Variants in TRIM2 observed in about 807,000 individuals in gnomAD.
TRIM2 encodes the protein tripartite motif-containing protein 2.
In TRIM2, 20 loss-of-function variants were observed where a neutral mutation model predicts 75.2. The ratio of observed to expected loss-of-function variants is 0.27; its 90% CI spans 0.19 to 0.39. TRIM2 has a LOEUF of 0.39. Ranked by LOEUF, TRIM2 falls within the 10% of genes least tolerant of loss-of-function variation. TRIM2 has a pLI of 1.00. For missense variants in TRIM2, 660 were observed against 990.8 expected (o/e 0.67, Z 4.48); for synonymous variants, 373 against 388.3 (o/e 0.96, Z 0.46).
In TRIM2 at chr4:153,323,027, G is replaced by C. The variant is rs1769355921; in HGVS notation, c.1951+211G>C. On this transcript the variant is annotated intron_variant, in intron 9 of 11. Coordinates refer to ENST00000338700, the MANE Select transcript of TRIM2 (RefSeq NM_015271.5). ...GGCAGTAAGTTGAGCTGCAGTCCTT[G>C]TGTGGTTTTTATCGGTGGCAGTTCA... Among the ~76,000 whole-genome samples, 6 of 152,308 alleles carry C rather than the reference G, an allele frequency of 3.9e-5. No homozygotes were observed. The South Asian group carries it at 1.2e-3, about 32-fold the overall frequency.
intron 10 of TRIM2, among the ~76,000 whole-genome samples, chr4:153,328,262 C>T (rs889616330): frequency 5.3e-5 from 8 of 152,064 alleles, no homozygotes; most frequent in African/African-American, 1.2e-4. Context: ...TATTTTATAA[C>T]AAAGGTATCA....
intron 1 of TRIM2, among the ~76,000 whole-genome samples, chr4:153,212,595 G>T (rs955081695): frequency 6.6e-6 from 1 of 152,168 alleles, no homozygotes; most frequent in Non-Finnish European, 1.5e-5. Flanking sequence ...AGAGTTCGAG[G>T]CAGTGAGCTG....
intron 1 of TRIM2, among the ~76,000 whole-genome samples, chr4:153,267,582 C>T (rs1441405860): frequency 2.0e-5 from 3 of 152,160 alleles, no homozygotes; most frequent in Admixed American, 6.5e-5. Flanking sequence ...ATCCGGGAGG[C>T]GGAGCTTGCA....
intron 1 of TRIM2, among the ~76,000 whole-genome samples, chr4:153,253,818 G>A (rs1234211930): frequency 3.3e-5 from 5 of 152,140 alleles, no homozygotes; most frequent in Non-Finnish European, 7.3e-5. Flanking sequence ...CTATATGTTC[G>A]AGAAAGGGGA....
Position 153,206,723 on chromosome 4 carries a change from G to A in TRIM2, c.30+2163G>A, listed in dbSNP as rs1735551447. 2.0e-5 allele frequency among the ~76,000 whole-genome samples: 3 copies of A among 152,228 alleles called. No homozygotes were observed. The South Asian group carries it at 6.2e-4, about 32-fold the overall frequency. On this transcript the variant is annotated intron_variant, in intron 1 of 11. Coordinates refer to ENST00000338700, the MANE Select transcript of TRIM2 (RefSeq NM_015271.5). ...CAGGGGGTGTGTATGGGTGGAGTAGGGAGAAAGGGGCTGAAAGTTCCAACT... is the reference window on the plus strand; with the variant it reads ...CAGGGGGTGTGTATGGGTGGAGTAGAGAGAAAGGGGCTGAAAGTTCCAACT...
chr4:153,162,720 G>A (rs1729860426), intron 1 of TRIM2, among the ~76,000 whole-genome samples: 1 of 152,224 alleles, frequency 6.6e-6, no homozygotes, highest in Admixed American at 6.5e-5. Context: ...GGCAGAGCAA[G>A]TGGACTTCAG....
intron 8 of TRIM2, among the ~76,000 whole-genome samples, chr4:153,320,948 A>G (rs533308283): frequency 1.3e-5 from 2 of 152,256 alleles, no homozygotes; most frequent in South Asian, 2.1e-4. Context: ...TCTTTCATAA[A>G]AACACATAGA....
At chr4:153,301,050 G>A (rs1763794225) in intron 6 of TRIM2, among the ~76,000 whole-genome samples, 2 of 151,856 alleles carry the variant, frequency 1.3e-5, no homozygotes, top group African/African-American at 2.4e-5. Context: ...AATTAGCCAG[G>A]TGTGGTGGCA....
intron 1 of TRIM2, among the ~76,000 whole-genome samples, chr4:153,187,678 G>A (rs1177230272): frequency 6.6e-6 from 1 of 152,222 alleles, no homozygotes; most frequent in Non-Finnish European, 1.5e-5. Flanking sequence ...GCCTCGCCCA[G>A]GTGGGCTGCA....
At chr4:153,221,273 T>C (rs749047764) in intron 1 of TRIM2, among the ~76,000 whole-genome samples, 1 of 152,172 alleles carries the variant, frequency 6.6e-6, no homozygotes, top group Non-Finnish European at 1.5e-5. Context: ...TGATTTCATT[T>C]ATATGAAATG....
At chr4:153,213,673 G>C (rs777250395) in intron 1 of TRIM2, among the ~76,000 whole-genome samples, 1 of 152,130 alleles carries the variant, frequency 6.6e-6, no homozygotes, top group Non-Finnish European at 1.5e-5. Context: ...GATTACAGGT[G>C]CATGCCACCA....
At chr4:153,333,813 A>G (rs1421458604) in intron 11 of TRIM2, among the ~76,000 whole-genome samples, 4 of 152,180 alleles carry the variant, frequency 2.6e-5, no homozygotes, top group African/African-American at 9.6e-5. Context: ...AGGTATTAGA[A>G]GTAATCTAGA....
intron 1 of TRIM2, among the ~76,000 whole-genome samples, chr4:153,186,805 G>A (rs1364113663): frequency 6.6e-6 from 1 of 152,144 alleles, no homozygotes; most frequent in Non-Finnish European, 1.5e-5. Context: ...CTTAAGAAAT[G>A]ACCAGAGGGA....
chr4:153,253,734 G>A (rs1327123773), intron 1 of TRIM2, among the ~76,000 whole-genome samples: 1 of 152,104 alleles, frequency 6.6e-6, no homozygotes, highest in Non-Finnish European at 1.5e-5. Context: ...AGTGACCTCT[G>A]GTCCTCCTCA....
chr4:153,220,641 A>G (rs1373419836), intron 1 of TRIM2, among the ~76,000 whole-genome samples: 1 of 152,254 alleles, frequency 6.6e-6, no homozygotes, highest in Non-Finnish European at 1.5e-5. Flanking sequence ...TACTGTTCAC[A>G]GTATATATAC....
At chr4:153,239,602 AAG>A (rs984770546) in intron 1 of TRIM2, among the ~76,000 whole-genome samples, 53 of 152,162 alleles carry the variant, frequency 3.5e-4, no homozygotes, top group African/African-American at 1.3e-3. Context: ...CATTGCATGA[AAG>A]TGGAATAAAT....
At chr4:153,261,193 C>T (rs1038251206) in intron 1 of TRIM2, among the ~76,000 whole-genome samples, 5 of 152,104 alleles carry the variant, frequency 3.3e-5, no homozygotes, top group African/African-American at 7.2e-5. Context: ...AGGCCAAGGC[C>T]GGTGGATTGC....
rs78785577 is a variant in TRIM2 at position 153,158,788 on chromosome 4, G to A, written c.-49+5518G>A. Among the ~76,000 whole-genome samples the A allele has an allele frequency of 2.9e-4, 44 of 152,248 alleles. No individual in the cohort carries two copies. In the East Asian group the frequency reaches 8.3e-3, roughly 29 times the overall value. ...GAGTGCTGGCTCTAGGGCTTTGAGC[G>A]GTGATCTAGAACTGGAAAGGTAAGC... is the stretch of plus-strand genomic sequence containing the variant. On this transcript the variant is annotated intron_variant, in intron 1 of 11. Coordinates refer to the TRIM2 transcript ENST00000437508.
rs1481644336 is a variant in TRIM2, at chr4:153,338,400, T to G, written c.*3434T>G. On this transcript the variant is annotated 3_prime_UTR_variant, in exon 12 of 12. Coordinates refer to ENST00000338700, the MANE Select transcript of TRIM2 (RefSeq NM_015271.5). ...GAGTATTTTTAGTTTGACAATTTAA[T>G]AATTTAAAAACAAGACATCTCCAGG... The G allele has an allele frequency of 1.0e-6, 1 of 985,744 alleles. No individual in the cohort carries two copies. Among genetic ancestry groups the G allele is most frequent in the Non-Finnish European group, 1.2e-6 (1 of 829,828 alleles). 61.1% of individuals were successfully genotyped at this position (985,744 alleles called of 1,614,324 possible). A position where few individuals can be genotyped will look rare whatever the true frequency, so the allele number is the denominator to read the frequency against.
Sources: gnomAD v4.1 joint callset for allele counts (sites outside exome capture counted in the v4.1 genomes callset) on GRCh38, gnomAD v4.1.1 for gene constraint, MANE v1.5 for transcripts, NCBI Gene and HGNC (gene_info 2026-07-23, HGNC 2026-07-21) for gene names.